XKR9: variants seen among roughly 807,000 people sequenced by gnomAD.
XKR9 encodes XK-related protein 9.
Under a neutral mutation model 32.0 loss-of-function variants are expected in XKR9, and 32 were observed. The ratio of observed to expected loss-of-function variants is 1.00; its 90% confidence interval spans 0.76 to 1.34. The LOEUF (loss-of-function observed/expected upper bound fraction) is 1.34, where lower values mean the gene tolerates loss of function less well. XKR9 is among the 40% of genes most tolerant of loss of function. The probability of loss-of-function intolerance (pLI) is 0.00; values close to 1 mark genes in which losing one functional copy is unlikely to be tolerated. For synonymous variants in XKR9, 168 were observed against 143.4 expected (o/e 1.17, Z -1.22); for missense variants, 546 against 429.7 (o/e 1.27, Z -2.39).
At chr8:71,014,659 C>A in the XKR9 span, among the ~76,000 whole-genome samples, 2 of 152,126 alleles carry the variant, frequency 1.3e-5, no homozygotes, top group Non-Finnish European at 2.9e-5. Flanking sequence ...AGATCATATA[C>A]ACAGGTCCCA....
In XKR9 at chr8:70,681,357, A is replaced by G. The variant is rs528011907; in HGVS notation, c.272+27A>G. 190 of 1,577,920 alleles carry G rather than the reference A, an allele frequency of 1.2e-4. No individual in the cohort carries two copies. In the South Asian group the frequency reaches 1.8e-3, roughly 15 times the overall value. On this transcript the variant is annotated intron_variant, in intron 3 of 4. Transcript: ENST00000408926. Reference sequence around the variant, plus strand: ...TGAGCATACATGTTTAATCATTACCACTGTTTTTCTTTTTCCAAACAGAAG... The same window carrying G: ...TGAGCATACATGTTTAATCATTACCGCTGTTTTTCTTTTTCCAAACAGAAG...
At chr8:71,055,362 T>G in the XKR9 span, among the ~76,000 whole-genome samples, 1 of 152,192 alleles carries the variant, frequency 6.6e-6, no homozygotes, top group African/African-American at 2.4e-5. Context: ...AGGGAATACA[T>G]AAACACTGAG....
the XKR9 span, among the ~76,000 whole-genome samples, chr8:70,870,281 T>C: frequency 6.6e-6 from 1 of 152,204 alleles, no homozygotes; most frequent in Non-Finnish European, 1.5e-5. Context: ...TGATGGGTAC[T>C]CTAGAGAAAA....
chr8:70,809,320 G>A, the XKR9 span, among the ~76,000 whole-genome samples: 1 of 152,046 alleles, frequency 6.6e-6, no homozygotes, highest in Admixed American at 6.6e-5. Flanking sequence ...AAGACCAAAG[G>A]TAGATAAAAC....
chr8:70,820,899 A>C, the XKR9 span, among the ~76,000 whole-genome samples: 9 of 152,168 alleles, frequency 5.9e-5, no homozygotes, highest in Non-Finnish European at 1.2e-4. Context: ...AAGCCTAACC[A>C]CATCATTTTG....
chr8:70,800,594 T>G, the XKR9 span, among the ~76,000 whole-genome samples: 1 of 152,156 alleles, frequency 6.6e-6, no homozygotes, highest in Non-Finnish European at 1.5e-5. Context: ...CAAGTGATTC[T>G]ATTGCCTCAG....
the XKR9 span, among the ~76,000 whole-genome samples, chr8:70,983,782 A>AAAATAAATAAATAAAT: frequency 2.0e-5 from 3 of 150,106 alleles, no homozygotes; most frequent in African/African-American, 7.4e-5. Flanking sequence ...ACTTCATCTC[A>AAAATAAATAAATAAAT]AAATAAATAA....
intron 3 of XKR9, among the ~76,000 whole-genome samples, chr8:70,689,427 G>GCC (rs1182970523): frequency 3.2e-4 from 47 of 148,774 alleles, no homozygotes; most frequent in Admixed American, 6.8e-4. Flanking sequence ...GTGGAAAGTA[G>GCC]CTTGACCATA....
intron 2 of XKR9, among the ~76,000 whole-genome samples, chr8:70,750,009 CGT>C (rs1013848343): frequency 4.0e-5 from 6 of 151,322 alleles, no homozygotes; most frequent in African/African-American, 1.5e-4. Context: ...TGTATAAATG[CGT>C]GTGTGTGTGT....
chr8:70,984,798 A>C, the XKR9 span, among the ~76,000 whole-genome samples: 1 of 152,232 alleles, frequency 6.6e-6, no homozygotes, highest in African/African-American at 2.4e-5. Flanking sequence ...AGAACTAAAA[A>C]AATATTAATT....
At chr8:70,883,897 T>C in the XKR9 span, among the ~76,000 whole-genome samples, 1 of 152,140 alleles carries the variant, frequency 6.6e-6, no homozygotes, top group Non-Finnish European at 1.5e-5. Context: ...TTTGGGTAAA[T>C]ATCAAGGAGT....
intron 4 of XKR9, among the ~76,000 whole-genome samples, chr8:70,716,796 C>T (rs1484217277): frequency 6.6e-6 from 1 of 152,144 alleles, no homozygotes; most frequent in African/African-American, 2.4e-5. Context: ...TTAGCTCATC[C>T]CAGCTTTAAC....
the XKR9 span, among the ~76,000 whole-genome samples, chr8:71,020,011 A>G: frequency 6.6e-6 from 1 of 152,218 alleles, no homozygotes; most frequent in Non-Finnish European, 1.5e-5. Flanking sequence ...AGCCTCAGTG[A>G]TCAGTCAACT....
chr8:70,804,578 G>A, the XKR9 span, among the ~76,000 whole-genome samples: 9 of 152,266 alleles, frequency 5.9e-5, no homozygotes, highest in South Asian at 1.9e-3. Context: ...TGGAAAATAG[G>A]ATACATTAAA....
At chr8:71,042,771 A>T in the XKR9 span, among the ~76,000 whole-genome samples, 14 of 152,292 alleles carry the variant, frequency 9.2e-5, no homozygotes, top group Non-Finnish European at 1.9e-4. Context: ...TCATTCAGGG[A>T]TCAAGTCCAA....
intron 2 of XKR9, among the ~76,000 whole-genome samples, chr8:70,785,082 T>A (rs930956005): frequency 3.3e-5 from 5 of 151,850 alleles, no homozygotes; most frequent in Admixed American, 1.3e-4. Flanking sequence ...TTGAGAAGGG[T>A]TGGTATTAGT....
chr8:70,728,960 C>T (rs773146078), intron 4 of XKR9, among the ~76,000 whole-genome samples: 3 of 152,112 alleles, frequency 2.0e-5, no homozygotes, highest in Admixed American at 6.6e-5. Context: ...CAGGATAACT[C>T]AGGGCTCCTA....
the XKR9 span, among the ~76,000 whole-genome samples, chr8:70,930,255 T>C: frequency 6.6e-6 from 1 of 152,164 alleles, no homozygotes; most frequent in African/African-American, 2.4e-5. Flanking sequence ...CTGGTTAAGA[T>C]GAGGTAATAT....
chr8:70,931,261 C>T, the XKR9 span, among the ~76,000 whole-genome samples: 1 of 152,004 alleles, frequency 6.6e-6, no homozygotes, highest in Non-Finnish European at 1.5e-5. Context: ...AGGAAGAGCT[C>T]CAACAGGTAT....
Sources: allele counts gnomAD v4.1 joint callset (sites outside exome capture counted in the v4.1 genomes callset), GRCh38; gene constraint gnomAD v4.1.1; transcripts MANE v1.5; gene names NCBI Gene and HGNC (gene_info 2026-07-23, HGNC 2026-07-21).